UGT1A10: variants seen among roughly 807,000 people sequenced by gnomAD.
UGT1A10 encodes UDP glucuronosyltransferase family 1 member A10, also known as UDP-glucuronosyltransferase 1A10.
In UGT1A10, 49 loss-of-function variants were observed where a neutral mutation model predicts 45.8. That is an observed-to-expected ratio of 1.07 (90% CI 0.85 to 1.36). The LOEUF (loss-of-function observed/expected upper bound fraction) is 1.36. Ranked by LOEUF, UGT1A10 falls within the 40% of genes most tolerant of loss-of-function variation. The pLI, the probability that UGT1A10 is intolerant of heterozygous loss-of-function variation, is 0.00. For missense variants in UGT1A10, 745 were observed against 668.6 expected (o/e 1.11, Z -1.26); for synonymous variants, 284 against 249.7 (o/e 1.14, Z -1.29).
At chr2:233,647,795 G>A (rs1296636364) in intron 1 of UGT1A10, 1 of 695,268 alleles carries the variant, frequency 1.4e-6, no homozygotes, top group Non-Finnish European at 2.3e-6. Flanking sequence ...AGTCTGGGTA[G>A]AGATTTATCA....
chr2:233,693,995 G>T (rs7592281), intron 1 of UGT1A10: 60,670 of 1,516,734 alleles, frequency 0.04, 2,435 homozygotes, highest in East Asian at 0.2. Flanking sequence ...AGTGATACCC[G>T]GCTCGGAGCA....
intron 1 of UGT1A10, among the ~76,000 whole-genome samples, chr2:233,766,212 G>A (rs1479826907): frequency 6.6e-6 from 1 of 152,186 alleles, no homozygotes; most frequent in Non-Finnish European, 1.5e-5. Context: ...GGGGAAGCCA[G>A]AAGGGGATGG....
At chr2:233,698,012 A>G (rs1043997277) in intron 1 of UGT1A10, among the ~76,000 whole-genome samples, 2 of 152,200 alleles carry the variant, frequency 1.3e-5, no homozygotes, top group African/African-American at 2.4e-5. Flanking sequence ...ATTTCTGCAC[A>G]TTGGTACCAA....
chr2:233,768,401 T>C lies in UGT1A10; in HGVS notation c.1257T>C (p.Asp419=), dbSNP rs767318575. The change falls in exon 4 of 5, where the codon GAT becomes GAC. Residue 419 remains aspartate (D), a synonymous_variant. Coordinates refer to ENST00000344644, the MANE Select transcript of UGT1A10 (RefSeq NM_019075.4). ...TLNVLEMTSE[D]LENALKAVIN... is the part of the protein sequence containing the mutation. The stretch of plus-strand genomic sequence containing the variant: ...ATGTTCTGGAAATGACTTCTGAAGA[T>C]TTAGAAAATGCTCTAAAAGCAGTCA... 1 of 1,614,148 alleles carries C rather than the reference T, an allele frequency of 6.2e-7. No homozygotes were observed. The highest frequency in any genetic ancestry group is 1.3e-5 in the African/African-American group (1 of 75,034).
intron 1 of UGT1A10, chr2:233,755,039 G>A (rs1047792650): frequency 3.8e-6 from 5 of 1,321,018 alleles, no homozygotes; most frequent in Non-Finnish European, 5.1e-6. Flanking sequence ...TGCCGCCTGC[G>A]CAGCCGCCCT....
chr2:233,670,934 C>T (rs542590080), intron 1 of UGT1A10, among the ~76,000 whole-genome samples: 2 of 152,164 alleles, frequency 1.3e-5, no homozygotes, highest in Non-Finnish European at 2.9e-5. Context: ...AAAAAACTGG[C>T]AGTGGGTATT....
chr2:233,695,064 C>T (rs576556742), intron 1 of UGT1A10, among the ~76,000 whole-genome samples: 11 of 152,176 alleles, frequency 7.2e-5, no homozygotes, highest in South Asian at 2.1e-4. Context: ...ACTGTGCTAT[C>T]GCACTTTGGA....
At chr2:233,658,339 C>T (rs988635725) in intron 1 of UGT1A10, among the ~76,000 whole-genome samples, 1 of 152,070 alleles carries the variant, frequency 6.6e-6, no homozygotes, top group African/African-American at 2.4e-5. Flanking sequence ...TTAAATGTTA[C>T]GTTACTATAG....
chr2:233,648,142 C>A, intron 1 of UGT1A10: 2 of 1,279,140 alleles, frequency 1.6e-6, no homozygotes. Flanking sequence ...AGCAGAAGTA[C>A]GACGCTTATT....
At chr2:233,672,966 C>T (rs1002609299) in intron 1 of UGT1A10, among the ~76,000 whole-genome samples, 3 of 152,144 alleles carry the variant, frequency 2.0e-5, no homozygotes, top group Admixed American at 1.3e-4. Flanking sequence ...TATAAAACTG[C>T]CCTTCTTGAA....
intron 1 of UGT1A10, among the ~76,000 whole-genome samples, chr2:233,646,821 TC>T (rs138544475): frequency 0.018 from 2,770 of 152,340 alleles, 40 homozygotes; most frequent in Admixed American, 0.036. Flanking sequence ...TTTGCCAACC[TC>T]TGCCTGTTAC....
intron 1 of UGT1A10, chr2:233,682,622 G>C: frequency 6.2e-7 from 1 of 1,613,866 alleles, no homozygotes; most frequent in Non-Finnish European, 8.5e-7. Flanking sequence ...AAATGTCTTA[G>C]AAATAGCCTC....
intron 1 of UGT1A10, chr2:233,690,419 C>A: frequency 8.1e-7 from 1 of 1,228,856 alleles, no homozygotes; most frequent in Non-Finnish European, 1.1e-6. Flanking sequence ...AAATTACCTT[C>A]ATGCACATCT....
chr2:233,667,164 C>T (rs2074096657), intron 1 of UGT1A10, among the ~76,000 whole-genome samples: 1 of 152,140 alleles, frequency 6.6e-6, no homozygotes, highest in Non-Finnish European at 1.5e-5. Context: ...GGTATATACC[C>T]AGTAATGGGA....
intron 3 of UGT1A10, 44 bp from the exon 4 acceptor site, chr2:233,768,176 C>A: frequency 6.2e-7 from 1 of 1,613,910 alleles, no homozygotes; most frequent in South Asian, 1.1e-5. Context: ...AGCTGTGAAA[C>A]TCAGAGATGT....
At chr2:233,733,817 C>T (rs994930501) in intron 1 of UGT1A10, among the ~76,000 whole-genome samples, 1 of 152,092 alleles carries the variant, frequency 6.6e-6, no homozygotes, top group Admixed American at 6.5e-5. Flanking sequence ...ATGCTGGCCT[C>T]ATAAAATGAG....
intron 1 of UGT1A10, among the ~76,000 whole-genome samples, chr2:233,642,303 T>C (rs941316735): frequency 1.3e-5 from 2 of 152,234 alleles, no homozygotes; most frequent in Admixed American, 1.3e-4. Flanking sequence ...TAAAGGACTT[T>C]GATGCATTCT....
At chr2:233,729,375 G>A (rs148006660) in intron 1 of UGT1A10, 162 of 1,614,004 alleles carry the variant, frequency 1.0e-4, no homozygotes, top group African/African-American at 2.0e-4. Flanking sequence ...ATGCCATTTC[G>A]TGGACCCAGG....
intron 1 of UGT1A10, among the ~76,000 whole-genome samples, chr2:233,756,604 C>T (rs914908855): frequency 6.6e-6 from 1 of 152,112 alleles, no homozygotes; most frequent in South Asian, 2.1e-4. Flanking sequence ...TGTATCGAAA[C>T]CATTAAGACT....
Sources: allele counts gnomAD v4.1 joint callset (sites outside exome capture counted in the v4.1 genomes callset), GRCh38; gene constraint gnomAD v4.1.1; transcripts MANE v1.5; gene names NCBI Gene and HGNC (gene_info 2026-07-23, HGNC 2026-07-21).